NHS: variants seen among roughly 807,000 people sequenced by gnomAD.
The protein encoded by NHS is actin remodeling regulator NHS.
A neutral mutation model predicts 72.5 loss-of-function variants in NHS; 5 were observed. The ratio of observed to expected loss-of-function variants is 0.07; its 90% confidence interval spans 0.04 to 0.14. NHS has a LOEUF of 0.14. Ranked by LOEUF, NHS falls within the 10% of genes least tolerant of loss-of-function variation. NHS has a pLI of 1.00. For synonymous variants in NHS, 464 were observed against 547.7 expected (o/e 0.85, Z 2.13); for missense variants, 1,072 against 1,355.7 (o/e 0.79, Z 3.29).
chrX:17,406,300 A>G (rs1250411336), intron 1 of NHS, among the ~76,000 whole-genome samples: 1 of 111,546 alleles, frequency 9.0e-6, no homozygotes, highest in Admixed American at 9.6e-5. Flanking sequence ...CCTTGTCCAC[A>G]TTGGTAAAGT....
intron 1 of NHS, among the ~76,000 whole-genome samples, chrX:17,634,367 C>CTT (rs1431646088): frequency 1.8e-5 from 2 of 112,324 alleles, no homozygotes; most frequent in African/African-American, 6.5e-5. Context: ...AAAAGCAAGT[C>CTT]TATCTGCCTC....
intron 1 of NHS, among the ~76,000 whole-genome samples, chrX:17,641,945 T>TTTGTTG (rs780268864): frequency 9.1e-6 from 1 of 110,343 alleles, no homozygotes; most frequent in East Asian, 2.9e-4. Context: ...GGTATATCTT[T>TTTGTTG]TTGTTGTTGT....
At chrX:17,625,979 T>C (rs959634411) in intron 1 of NHS, among the ~76,000 whole-genome samples, 3 of 112,248 alleles carry the variant, frequency 2.7e-5, no homozygotes, top group Non-Finnish European at 5.6e-5. Context: ...TTTGAAAAAG[T>C]AGATTCACAA....
chrX:17,684,686 CTCAAG>C lies in NHS; in HGVS notation c.566-3053_566-3049del, dbSNP rs773966787. Among the ~76,000 whole-genome samples, 6 of 111,926 alleles carry C rather than the reference CTCAAG, an allele frequency of 5.4e-5. No individual in the cohort carries two copies. The East Asian group carries it at 1.7e-3, about 31-fold the overall frequency. On this transcript the variant is annotated intron_variant, in intron 1 of 8. Transcript: ENST00000676302. ...GGATTATACTCTCTCTTTTGATTAA[CTCAAG>C]TCGATTGAGTACAGACCGTAAAACC...
chrX:17,606,659 G>A (rs1468618196), intron 1 of NHS, among the ~76,000 whole-genome samples: 1 of 112,119 alleles, frequency 8.9e-6, no homozygotes, highest in Non-Finnish European at 1.9e-5. Context: ...GGGGTGGTTC[G>A]TACTGCTTTT....
chrX:17,721,258 G>A (rs762908303), intron 4 of NHS, among the ~76,000 whole-genome samples, 183 bp from the exon 5 acceptor site: 1 of 111,808 alleles, frequency 8.9e-6, no homozygotes, highest in African/African-American at 3.2e-5. Context: ...TTCCTTTTGT[G>A]TTGCTTGACT....
intron 1 of NHS, among the ~76,000 whole-genome samples, chrX:17,464,105 C>A (rs747716062): frequency 8.9e-5 from 10 of 112,053 alleles, no homozygotes; most frequent in Non-Finnish European, 1.7e-4. Context: ...GTTTTGGTTT[C>A]TATGACCTGC....
intron 1 of NHS, among the ~76,000 whole-genome samples, chrX:17,560,707 C>T (rs1028228025): frequency 1.8e-5 from 2 of 112,702 alleles, no homozygotes; most frequent in Admixed American, 9.4e-5. Context: ...CTGGCCCCAG[C>T]ATAAAGATTT....
intron 1 of NHS, among the ~76,000 whole-genome samples, chrX:17,678,291 TGTGA>T (rs781537624): frequency 8.5e-5 from 9 of 105,619 alleles, no homozygotes; most frequent in South Asian, 7.9e-4. Context: ...TGTGTGTGTG[TGTGA>T]GAGAGAGAGA....
chrX:17,534,391 A>G (rs2065213557), intron 1 of NHS, among the ~76,000 whole-genome samples: 1 of 110,730 alleles, frequency 9.0e-6, no homozygotes, highest in Admixed American at 9.6e-5. Flanking sequence ...GCCTATAGCT[A>G]CCTTTGCTTA....
intron 5 of NHS, among the ~76,000 whole-genome samples, chrX:17,723,776 CGCGT>C (rs1374208533): frequency 6.3e-4 from 22 of 35,144 alleles, no homozygotes; most frequent in African/African-American, 1.6e-3. Flanking sequence ...TGTGTGCGCG[CGCGT>C]GCGCGCATGG....
chrX:17,614,361 A>G (rs897940549), intron 1 of NHS, among the ~76,000 whole-genome samples: 1 of 107,169 alleles, frequency 9.3e-6, no homozygotes, highest in South Asian at 4.1e-4. Flanking sequence ...CCAATCTGAA[A>G]CCACAGAACC....
intron 1 of NHS, among the ~76,000 whole-genome samples, chrX:17,533,016 T>C (rs895577861): frequency 1.8e-5 from 2 of 112,069 alleles, no homozygotes; most frequent in Non-Finnish European, 3.8e-5. Context: ...GTATTAGCTC[T>C]GCAGAGCAGG....
chrX:17,640,969 C>G (rs1182566467), intron 1 of NHS, among the ~76,000 whole-genome samples: 10 of 112,176 alleles, frequency 8.9e-5, no homozygotes, highest in Non-Finnish European at 1.7e-4. Flanking sequence ...TCTCAGAAAG[C>G]AAGCAAAATA....
chrX:17,465,889 G>A (rs751847704), intron 1 of NHS, among the ~76,000 whole-genome samples: 1 of 112,623 alleles, frequency 8.9e-6, no homozygotes, highest in African/African-American at 3.2e-5. Flanking sequence ...CACCCTCCTT[G>A]CCCCTGGGGA....
chrX:17,682,516 G>A (rs889137744), intron 1 of NHS, among the ~76,000 whole-genome samples: 1 of 111,660 alleles, frequency 9.0e-6, no homozygotes, highest in East Asian at 2.8e-4. Flanking sequence ...GTGGGTAAAT[G>A]TGTCTGCAGG....
At chrX:17,457,368 C>T (rs1044520109) in intron 1 of NHS, among the ~76,000 whole-genome samples, 1 of 111,395 alleles carries the variant, frequency 9.0e-6, no homozygotes, top group African/African-American at 3.3e-5. Flanking sequence ...AGCTTCTACT[C>T]GTAGTGGAAG....
At chrX:17,681,200 A>T (rs973869365) in intron 1 of NHS, among the ~76,000 whole-genome samples, 1 of 112,021 alleles carries the variant, frequency 8.9e-6, no homozygotes, top group Admixed American at 9.5e-5. Flanking sequence ...GGCAAAATAA[A>T]GCAAAAAGAA....
chrX:17,447,736 A>G (rs951717736), intron 1 of NHS, among the ~76,000 whole-genome samples: 1 of 108,462 alleles, frequency 9.2e-6, no homozygotes, highest in Non-Finnish European at 1.9e-5. Flanking sequence ...TGAGTCAACA[A>G]TAAAAATTTG....
Sources: gnomAD v4.1 joint callset for allele counts (sites outside exome capture counted in the v4.1 genomes callset) on GRCh38, gnomAD v4.1.1 for gene constraint, MANE v1.5 for transcripts, NCBI Gene and HGNC (gene_info 2026-07-23, HGNC 2026-07-21) for gene names.